LAMA4: variants seen among roughly 807,000 people sequenced by gnomAD.
LAMA4 encodes laminin subunit alpha 4.
A neutral mutation model predicts 207.1 loss-of-function variants in LAMA4; 127 were observed. That is an observed-to-expected ratio of 0.61 (90% CI 0.53 to 0.71). The LOEUF (loss-of-function observed/expected upper bound fraction) is 0.71, where lower values mean the gene tolerates loss of function less well. Among genes scored for constraint, LAMA4 ranks in the 30% least tolerant of loss-of-function variants. LAMA4 has a pLI of 0.00. For synonymous variants in LAMA4, 761 were observed against 816.0 expected (o/e 0.93, Z 1.15); for missense variants, 2,093 against 2,246.5 (o/e 0.93, Z 1.38).
chr6:112,131,705 A>G (rs1554329864), intron 28 of LAMA4, among the ~76,000 whole-genome samples: 1 of 152,168 alleles, frequency 6.6e-6, no homozygotes, highest in African/African-American at 2.4e-5. Context: ...TAACCAGGGT[A>G]GTCTGAGGCA....
At chr6:112,236,794 T>C (rs1209886379) in intron 2 of LAMA4, 1 of 152,226 alleles carries the variant, frequency 6.6e-6, no homozygotes, top group Non-Finnish European at 1.5e-5. Flanking sequence ...ATGTTCATCA[T>C]GGAAGTACTT....
chr6:112,188,439 C>T (rs1782822367), intron 7 of LAMA4, among the ~76,000 whole-genome samples: 1 of 152,184 alleles, frequency 6.6e-6, no homozygotes, highest in African/African-American at 2.4e-5. Flanking sequence ...GCCTCACATC[C>T]TATGGCATCT....
chr6:112,225,256 G>C (rs1785149926), intron 2 of LAMA4, among the ~76,000 whole-genome samples: 1 of 152,042 alleles, frequency 6.6e-6, no homozygotes, highest in Non-Finnish European at 1.5e-5. Context: ...ACCTGAAGTT[G>C]AGTGTGTCCC....
chr6:112,140,973 CTTTT>C, intron 21 of LAMA4, 51 bp from the exon 22 acceptor site: 3 of 1,509,140 alleles, frequency 2.0e-6, no homozygotes, highest in Non-Finnish European at 2.8e-6. Context: ...ATAGAAAATA[CTTTT>C]TAAATGTCAA....
intron 4 of LAMA4, among the ~76,000 whole-genome samples, chr6:112,202,105 C>T (rs1338207095): frequency 6.6e-6 from 1 of 152,154 alleles, no homozygotes; most frequent in Non-Finnish European, 1.5e-5. Context: ...CAGTTCTAAA[C>T]TATATAATCT....
At chr6:112,215,184 C>G (rs1784561168) in intron 3 of LAMA4, among the ~76,000 whole-genome samples, 2 of 152,122 alleles carry the variant, frequency 1.3e-5, no homozygotes, top group Non-Finnish European at 2.9e-5. Context: ...CTGCAGAAGC[C>G]TACACTGTGA....
intron 3 of LAMA4, among the ~76,000 whole-genome samples, chr6:112,208,207 G>A (rs1554355136): frequency 1.3e-5 from 2 of 152,134 alleles, no homozygotes; most frequent in East Asian, 3.8e-4. Context: ...TCCTATTTGA[G>A]CAATTGCCTT....
chr6:112,191,433 G>C (rs1268949008), intron 6 of LAMA4, among the ~76,000 whole-genome samples: 1 of 152,186 alleles, frequency 6.6e-6, no homozygotes, highest in Non-Finnish European at 1.5e-5. Flanking sequence ...TTCCACCCAT[G>C]AGCAAAATTA....
chr6:112,181,329 G>C (rs1417375982), intron 9 of LAMA4, among the ~76,000 whole-genome samples: 1 of 152,098 alleles, frequency 6.6e-6, no homozygotes, highest in African/African-American at 2.4e-5. Context: ...CATTGTTCTG[G>C]GTAAATACCT....
At chr6:112,190,808 A>T (rs1189815484) in intron 6 of LAMA4, among the ~76,000 whole-genome samples, 1 of 152,236 alleles carries the variant, frequency 6.6e-6, no homozygotes, top group Non-Finnish European at 1.5e-5. Flanking sequence ...TTTACCAAAC[A>T]TAACTGAACG....
At position 112,129,843 on chromosome 6, in the gene LAMA4, C is replaced by A. The variant is rs113549775; in HGVS notation, c.4133+33G>T. 2.1e-4 allele frequency: 310 copies of A among 1,455,816 alleles called. No individual in the cohort carries two copies. The African/African-American group carries it at 3.9e-3, about 18-fold the overall frequency. 90.2% of individuals were successfully genotyped at this position (1,455,816 alleles called of 1,614,324 possible). A position where few individuals can be genotyped will look rare whatever the true frequency, so the allele number is the denominator to read the frequency against. ...TGTTGTCTTGATTTTATTTATCAATCATGCAGATTCATTAATAATAAAAAT... is the reference window on the plus strand; with the variant it reads ...TGTTGTCTTGATTTTATTTATCAATAATGCAGATTCATTAATAATAAAAAT... On this transcript the variant is annotated intron_variant, in intron 30 of 38. Transcript: ENST00000230538.
At chr6:112,155,838 G>T in intron 14 of LAMA4, 132 bp from the exon 15 acceptor site, 1 of 1,078,448 alleles carries the variant, frequency 9.3e-7, no homozygotes, top group East Asian at 2.4e-5. Flanking sequence ...CACCTAGTGT[G>T]GCAAGGTTTT....
intron 14 of LAMA4, among the ~76,000 whole-genome samples, chr6:112,157,313 T>G (rs917472131): frequency 7.4e-6 from 1 of 135,788 alleles, no homozygotes; most frequent in East Asian, 2.3e-4. Flanking sequence ...TTTATTACTT[T>G]GCTTTTAATA....
intron 3 of LAMA4, among the ~76,000 whole-genome samples, chr6:112,214,687 A>T (rs1386192159): frequency 6.6e-6 from 1 of 152,246 alleles, no homozygotes; most frequent in Admixed American, 6.5e-5. Flanking sequence ...GTTGGAACAA[A>T]GTAGTTGGAG....
intron 12 of LAMA4, among the ~76,000 whole-genome samples, chr6:112,167,623 T>C (rs782478001): frequency 6.6e-6 from 1 of 152,172 alleles, no homozygotes; most frequent in Non-Finnish European, 1.5e-5. Flanking sequence ...CAAGTTAATA[T>C]GAAATAAGAG....
At chr6:112,185,135 C>T in intron 9 of LAMA4, 102 bp downstream of exon 9, 1 of 807,958 alleles carries the variant, frequency 1.2e-6, no homozygotes, top group Non-Finnish European at 2.2e-6. Context: ...TGCATTTTTT[C>T]TGGGCTGTGT....
chr6:112,165,224 C>T lies in LAMA4; in HGVS notation c.1604G>A (p.Ser535Asn), dbSNP rs782574835. Residue 535 changes from serine (S) to asparagine (N), a missense_variant, in exon 13 of 39, where the codon AGC (serine) becomes AAC (asparagine). Physicochemically the swap from Ser to Asn is conservative, Grantham distance 46. Coordinates refer to ENST00000230538, the MANE Select transcript of LAMA4 (RefSeq NM_001105206.3). The stretch of plus-strand genomic sequence containing the variant: ...TGTTGTCAGAGAGTCCGCAGATGTG[C>T]TCAGAGACATGTTCACCACTTCCAT... ...EQMEVVNMSL[S>N]TSADSLTTPR... 27 of 1,613,712 alleles carry T rather than the reference C, an allele frequency of 1.7e-5. No homozygotes were observed. The Admixed American group carries it at 3.8e-4, about 23-fold the overall frequency.
chr6:112,204,114 G>T (rs1783918057), intron 4 of LAMA4, among the ~76,000 whole-genome samples: 4 of 152,090 alleles, frequency 2.6e-5, no homozygotes, highest in South Asian at 2.1e-4. Context: ...AAAGGTAAAG[G>T]GTCATTTGCT....
At chr6:112,143,267 T>C (rs190666178) in intron 19 of LAMA4, among the ~76,000 whole-genome samples, 25 of 151,682 alleles carry the variant, frequency 1.6e-4, no homozygotes, top group Non-Finnish European at 2.6e-4. Flanking sequence ...ATGTTATCAG[T>C]TGAGTAAAAA....
Sources: gnomAD v4.1 joint callset for allele counts (sites outside exome capture counted in the v4.1 genomes callset) on GRCh38, gnomAD v4.1.1 for gene constraint, MANE v1.5 for transcripts, NCBI Gene and HGNC (gene_info 2026-07-23, HGNC 2026-07-21) for gene names.